The following ADIPOR2 variants were observed in gnomAD, a reference collection of about 807,000 sequenced individuals.
ADIPOR2 encodes adiponectin receptor protein 2.
A neutral mutation model predicts 40.9 loss-of-function variants in ADIPOR2; 18 were observed. The ratio of observed to expected loss-of-function variants is 0.44; its 90% CI spans 0.30 to 0.65. The LOEUF (loss-of-function observed/expected upper bound fraction) is 0.65. Ranked by LOEUF, ADIPOR2 falls within the 30% of genes least tolerant of loss-of-function variation. ADIPOR2 has a pLI of 0.09. For missense variants in ADIPOR2, 283 were observed against 479.2 expected, an observed-to-expected ratio of 0.59 and a Z score of 3.82; for synonymous variants, 165 against 166.4, an observed-to-expected ratio of 0.99 and a Z score of 0.06.
intron 1 of ADIPOR2, among the ~76,000 whole-genome samples, chr12:1,700,511 A>T (rs897939555): frequency 1.3e-5 from 2 of 152,192 alleles, no homozygotes; most frequent in African/African-American, 4.8e-5. Flanking sequence ...AAAGATCTGG[A>T]AGTGTAATAA....
In ADIPOR2 at chr12:1,787,477, T is replaced by A. The variant is rs1862861022; in HGVS notation, c.*1405T>A. Reference sequence around the variant, plus strand: ...CATTTTAAATACAATGGTATGTTATTGCCAGGGAGTGAGGTACAAGACGAT... The same window carrying A: ...CATTTTAAATACAATGGTATGTTATAGCCAGGGAGTGAGGTACAAGACGAT... On this transcript the variant is annotated 3_prime_UTR_variant, in exon 8 of 8. Coordinates refer to ENST00000357103, the MANE Select transcript of ADIPOR2 (RefSeq NM_024551.3). 1 of 152,210 alleles carries A rather than the reference T, an allele frequency of 6.6e-6. No homozygotes were observed. The highest frequency in any genetic ancestry group is 6.5e-5 in the Admixed American group (1 of 15,282). The allele number at this position is 152,210 out of a possible 1,614,324, so 9.4% of individuals were successfully genotyped here.
chr12:1,710,374 C>A (rs1221113665), intron 1 of ADIPOR2, among the ~76,000 whole-genome samples: 1 of 152,174 alleles, frequency 6.6e-6, no homozygotes, highest in Non-Finnish European at 1.5e-5. Flanking sequence ...TCTGCGGCTT[C>A]ATTCTTGAAG....
At chr12:1,764,054 G>C (rs1169855519) in intron 2 of ADIPOR2, among the ~76,000 whole-genome samples, 1 of 152,130 alleles carries the variant, frequency 6.6e-6, no homozygotes, top group African/African-American at 2.4e-5. Flanking sequence ...AGAAATGAAT[G>C]ATTAAACCTG....
Position 1,780,988 on chromosome 12 carries a change from G to A in ADIPOR2, c.750G>A (p.Leu250=). 1 of 1,613,532 alleles carries A rather than the reference G, an allele frequency of 6.2e-7. No homozygotes were observed. The highest frequency in any genetic ancestry group is 8.5e-7 in the Non-Finnish European group (1 of 1,179,846). ...YCNPQPCFIY[L]IVICVLGIAA... is the part of the protein sequence containing the mutation. ...ATCCACAACCTTGCTTCATCTACTT[G>A]ATTGTCATCTGTGTGCTGGGCATTG... The change falls in exon 6 of 8, where the codon TTG becomes TTA. Residue 250 remains leucine, a synonymous_variant. Coordinates refer to ENST00000357103, the MANE Select transcript of ADIPOR2 (RefSeq NM_024551.3).
intron 1 of ADIPOR2, among the ~76,000 whole-genome samples, chr12:1,724,018 G>C (rs937120183): frequency 2.0e-5 from 3 of 151,098 alleles, no homozygotes; most frequent in Non-Finnish European, 2.9e-5. Context: ...GTCTTGCACT[G>C]TTGCCCGGGC....
At chr12:1,760,102 A>C (rs944532405) in intron 2 of ADIPOR2, among the ~76,000 whole-genome samples, 1 of 152,004 alleles carries the variant, frequency 6.6e-6, no homozygotes, top group African/African-American at 2.4e-5. Flanking sequence ...AAAACAAATA[A>C]ACAAAACCCA....
intron 1 of ADIPOR2, among the ~76,000 whole-genome samples, chr12:1,735,654 G>T (rs1333021435): frequency 6.6e-6 from 1 of 152,162 alleles, no homozygotes; most frequent in Non-Finnish European, 1.5e-5. Flanking sequence ...TGGTGAGAGA[G>T]GGCATCCCTG....
chr12:1,692,171 G>T (rs1376551614), intron 1 of ADIPOR2, among the ~76,000 whole-genome samples: 1 of 150,260 alleles, frequency 6.7e-6, no homozygotes, highest in African/African-American at 2.5e-5. Context: ...AGCATTATTT[G>T]ATCACAGAAC....
chr12:1,712,906 G>A (rs1486390329), intron 1 of ADIPOR2, among the ~76,000 whole-genome samples: 2 of 152,132 alleles, frequency 1.3e-5, no homozygotes, highest in Non-Finnish European at 2.9e-5. Flanking sequence ...GCAGAGCTGG[G>A]CCTTTGATTT....
At chr12:1,777,094 G>A (rs1862609789) in intron 3 of ADIPOR2, among the ~76,000 whole-genome samples, 1 of 152,170 alleles carries the variant, frequency 6.6e-6, no homozygotes, top group Non-Finnish European at 1.5e-5. Context: ...GATGGAGGGA[G>A]AGATTTTAGC....
chr12:1,702,747 G>C (rs1409805439), intron 1 of ADIPOR2: 3 of 151,974 alleles, frequency 2.0e-5, no homozygotes, highest in African/African-American at 7.2e-5. Context: ...AACTTTATAT[G>C]GTTTGTTTTG....
At chr12:1,758,312 A>G (rs932898960) in intron 2 of ADIPOR2, among the ~76,000 whole-genome samples, 3 of 152,220 alleles carry the variant, frequency 2.0e-5, no homozygotes, top group Non-Finnish European at 4.4e-5. Context: ...AGTTAGCAGT[A>G]TGAACAAAAG....
At chr12:1,712,805 G>A (rs551580026) in intron 1 of ADIPOR2, among the ~76,000 whole-genome samples, 14 of 152,240 alleles carry the variant, frequency 9.2e-5, no homozygotes, top group Admixed American at 6.5e-5. Context: ...GTCTTAGGGC[G>A]AGGATAAGCC....
chr12:1,755,946 A>G (rs1449869369), intron 2 of ADIPOR2, among the ~76,000 whole-genome samples: 1 of 152,060 alleles, frequency 6.6e-6, no homozygotes, highest in African/African-American at 2.4e-5. Flanking sequence ...ATTTCTTACT[A>G]CGGGTTGTGG....
At chr12:1,695,166 C>G (rs1229348511) in intron 1 of ADIPOR2, among the ~76,000 whole-genome samples, 1 of 151,978 alleles carries the variant, frequency 6.6e-6, no homozygotes, top group East Asian at 1.9e-4. Flanking sequence ...CAGACATGAG[C>G]CACTGCACTT....
At chr12:1,777,549 G>A (rs2154444337) in intron 3 of ADIPOR2, among the ~76,000 whole-genome samples, 1 of 151,872 alleles carries the variant, frequency 6.6e-6, no homozygotes, top group South Asian at 2.1e-4. Context: ...ACCACACCCG[G>A]CTAATTTTTT....
chr12:1,691,273 G>C (rs559820174), intron 1 of ADIPOR2, 82 bp downstream of exon 1: 2,058 of 152,824 alleles, frequency 0.013, 18 homozygotes, highest in Admixed American at 0.022. Flanking sequence ...CTTGGGGTCG[G>C]GGGGAGGTGA....
chr12:1,762,111 T>G (rs755573547), intron 2 of ADIPOR2, among the ~76,000 whole-genome samples: 1 of 152,206 alleles, frequency 6.6e-6, no homozygotes. Flanking sequence ...CCTTCAAACA[T>G]GGCTCTTTCC....
In ADIPOR2 at chr12:1,748,279, C is replaced by G. The variant is rs575327898; in HGVS notation, c.-86-5979C>G. ...TATTCTTTTTTTAGAGACGGAGTCT[C>G]TCTCTGTCGCCCAGGCTGGAGTGCA... On this transcript the variant is annotated intron_variant, in intron 1 of 7. Transcript: ENST00000357103. Among the ~76,000 whole-genome samples, 442 of 152,182 alleles carry G rather than the reference C, an allele frequency of 2.9e-3. 1 individual carries two copies. Among genetic ancestry groups the G allele is most frequent in the Non-Finnish European group, 4.6e-3 (316 of 68,012 alleles).
Sources: allele counts gnomAD v4.1 joint callset (sites outside exome capture counted in the v4.1 genomes callset), GRCh38; gene constraint gnomAD v4.1.1; transcripts MANE v1.5; gene names NCBI Gene and HGNC (gene_info 2026-07-23, HGNC 2026-07-21).